Variants in COL21A1 observed in about 807,000 individuals in gnomAD.
COL21A1 encodes collagen type XXI alpha 1 chain.
In COL21A1, 149 loss-of-function variants were observed where a neutral mutation model predicts 137.9. The observed-to-expected ratio is 1.08, with a 90% CI of 0.95 to 1.24. The LOEUF (loss-of-function observed/expected upper bound fraction) is 1.24, where lower values mean the gene tolerates loss of function less well. COL21A1 is among the 50% of genes most tolerant of loss of function. The pLI, the probability that COL21A1 is intolerant of heterozygous loss-of-function variation, is 0.00. For synonymous variants in COL21A1, 456 were observed against 391.5 expected, an observed-to-expected ratio of 1.16 and a Z score of -1.95; for missense variants, 1,167 against 1,158.4, an observed-to-expected ratio of 1.01 and a Z score of -0.11.
chr6:56,364,162 T>A lies in COL21A1; in HGVS notation c.-39+29809A>T, dbSNP rs191050190. On this transcript the variant is annotated intron_variant, in intron 1 of 28. Transcript: ENST00000370819. ...GTCCCTTGAGTTGCTGCTGATGAGCTCTTTAGTGCCCCAGCCCCTCATTAA... is the reference window on the plus strand; with the variant it reads ...GTCCCTTGAGTTGCTGCTGATGAGCACTTTAGTGCCCCAGCCCCTCATTAA... Among the ~76,000 whole-genome samples, 292 of 152,202 alleles carry A rather than the reference T, an allele frequency of 1.9e-3. 1 individual carries two copies. The highest frequency in any genetic ancestry group is 2.6e-3 in the Non-Finnish European group (178 of 67,996).
intron 1 of COL21A1, among the ~76,000 whole-genome samples, chr6:56,347,330 C>T (rs1765617528): frequency 6.6e-6 from 1 of 152,016 alleles, no homozygotes; most frequent in African/African-American, 2.4e-5. Flanking sequence ...TTCCCACCCC[C>T]TCACCGGGAT....
rs186344414 is a variant in COL21A1, at chr6:56,159,403, G to C, written c.1372-2454C>G. 2.1e-4 allele frequency among the ~76,000 whole-genome samples: 32 copies of C among 150,508 alleles called. No individual in the cohort carries two copies. The East Asian group carries it at 6.1e-3, about 29-fold the overall frequency. ...GCTGGAGTGCAATAGCATGATCCTGGCTCACCACAACCTCCACCCCGCAGG... is the reference window on the plus strand; with the variant it reads ...GCTGGAGTGCAATAGCATGATCCTGCCTCACCACAACCTCCACCCCGCAGG... On this transcript the variant is annotated intron_variant, in intron 9 of 29. Transcript: ENST00000244728.
chr6:56,351,637 CA>C (rs1765713474), intron 1 of COL21A1, among the ~76,000 whole-genome samples: 1 of 152,182 alleles, frequency 6.6e-6, no homozygotes, highest in Non-Finnish European at 1.5e-5. Context: ...GCAAAGGCCT[CA>C]AGAACTGAAC....
intron 10 of COL21A1, among the ~76,000 whole-genome samples, chr6:56,152,354 C>T (rs781477492): frequency 3.9e-4 from 60 of 152,152 alleles, no homozygotes; most frequent in Non-Finnish European, 3.7e-4. Flanking sequence ...ATCTCAAGAT[C>T]ATTAAATTAA....
At chr6:56,068,202 T>C (rs1437396227) in intron 22 of COL21A1, among the ~76,000 whole-genome samples, 2 of 151,590 alleles carry the variant, frequency 1.3e-5, no homozygotes, top group African/African-American at 4.8e-5. Flanking sequence ...CCAAGGATCA[T>C]ACTGTGTATG....
chr6:56,170,795 T>C lies in COL21A1; in HGVS notation c.880A>G (p.Ile294Val). Residue 294 changes from isoleucine (I) to valine (V), a missense_variant, in exon 5 of 30, where the codon ATT becomes GTT. Physicochemically the swap from Ile to Val is conservative, Grantham distance 29. Transcript: ENST00000244728. The stretch of plus-strand genomic sequence containing the variant: ...GTTAATATTCTCCATAAATCCCAAA[T>C]TTTCTTGACTTTAAATCTTTGAGTA... ...VSTQRFKVKK[I>V]WDLWRILTID... is the part of the protein sequence containing the mutation. The C allele has an allele frequency of 6.2e-7, 1 of 1,610,150 alleles. No homozygotes were observed. Among genetic ancestry groups the C allele is most frequent in the Non-Finnish European group, 8.5e-7 (1 of 1,177,526 alleles).
At chr6:56,241,233 A>T (rs1490411174) in intron 1 of COL21A1, among the ~76,000 whole-genome samples, 1 of 152,166 alleles carries the variant, frequency 6.6e-6, no homozygotes, top group East Asian at 1.9e-4. Flanking sequence ...GCCCTTATAA[A>T]TAGACAGAGA....
rs532033357 is a variant in COL21A1, at chr6:56,217,136, A to C, written c.-39+30251T>G. ...CAAATAAAAAGAAATAGTGTTGCAG[A>C]GTAATACTCTCAAGTGTAATAAAAG... On this transcript the variant is annotated intron_variant, in intron 1 of 29. Coordinates refer to ENST00000244728, the MANE Select transcript of COL21A1 (RefSeq NM_030820.4). Among the ~76,000 whole-genome samples, 6 of 152,198 alleles carry C rather than the reference A, an allele frequency of 3.9e-5. No homozygotes were observed. The South Asian group carries it at 1.2e-3, about 32-fold the overall frequency.
At chr6:56,226,751 G>A (rs1781220999) in intron 1 of COL21A1, among the ~76,000 whole-genome samples, 1 of 152,014 alleles carries the variant, frequency 6.6e-6, no homozygotes, top group Non-Finnish European at 1.5e-5. Flanking sequence ...AAAATCCAAT[G>A]TTCCTCACTT....
chr6:56,390,698 GA>G (rs921369958), intron 1 of COL21A1, among the ~76,000 whole-genome samples: 5 of 150,490 alleles, frequency 3.3e-5, no homozygotes, highest in Non-Finnish European at 5.9e-5. Flanking sequence ...CAAAAACTGT[GA>G]AAAAAAAGAA....
rs546992477 is a variant in COL21A1, at chr6:56,135,796, G to A, written c.1542+5989C>T. Reference sequence around the variant, plus strand: ...ACCTTTTCTTTATATTTTCTTTCATGAAGCCTTTCCAATTTTTAACTTTCC... The same window carrying A: ...ACCTTTTCTTTATATTTTCTTTCATAAAGCCTTTCCAATTTTTAACTTTCC... On this transcript the variant is annotated intron_variant, in intron 12 of 29. Transcript: ENST00000244728. Among the ~76,000 whole-genome samples the A allele has an allele frequency of 3.4e-3, 523 of 152,192 alleles. 5 individuals are homozygous for A. The highest frequency in any genetic ancestry group is 0.012 in the African/African-American group (496 of 41,528).
intron 1 of COL21A1, among the ~76,000 whole-genome samples, chr6:56,246,777 C>T (rs1782669490): frequency 6.6e-6 from 1 of 152,186 alleles, no homozygotes; most frequent in Admixed American, 6.5e-5. Flanking sequence ...GGCCAGATGC[C>T]ACACAGCGAA....
intron 1 of COL21A1, among the ~76,000 whole-genome samples, chr6:56,194,112 C>T (rs1303078460): frequency 6.6e-6 from 1 of 152,158 alleles, no homozygotes; most frequent in Non-Finnish European, 1.5e-5. Flanking sequence ...ATTTTCACCA[C>T]CTTTCTTCCC....
At chr6:56,186,623 T>C (rs1304730002) in intron 1 of COL21A1, among the ~76,000 whole-genome samples, 4 of 152,102 alleles carry the variant, frequency 2.6e-5, no homozygotes, top group African/African-American at 9.7e-5. Flanking sequence ...AAAACAATAG[T>C]AGAACAAAGT....
Position 56,149,547 on chromosome 6 carries a change from T to A in COL21A1, c.1434+7340A>T, listed in dbSNP as rs143567058. On this transcript the variant is annotated intron_variant, in intron 10 of 29. Transcript: ENST00000244728. ...CCTAAATGTCAGACTTCTATATCCA[T>A]CTGCCTACCTAAAATTTCTACTTGA... 1.2e-3 allele frequency among the ~76,000 whole-genome samples: 188 copies of A among 152,308 alleles called. 3 individuals carry two copies. The highest frequency in any genetic ancestry group is 4.2e-3 in the African/African-American group (176 of 41,580).
chr6:56,271,319 G>T (rs561725217), intron 1 of COL21A1, among the ~76,000 whole-genome samples: 1 of 152,192 alleles, frequency 6.6e-6, no homozygotes, highest in East Asian at 1.9e-4. Context: ...CTTGAGAGAG[G>T]GTATCTGGCA....
At chr6:56,193,359 C>CA (rs1778820463) in intron 1 of COL21A1, among the ~76,000 whole-genome samples, 1 of 151,870 alleles carries the variant, frequency 6.6e-6, no homozygotes, top group Non-Finnish European at 1.5e-5. Context: ...AATCAGCAAT[C>CA]AAAAAATCAT....
chr6:56,219,312 G>A (rs146048180), intron 1 of COL21A1, among the ~76,000 whole-genome samples: 164 of 150,498 alleles, frequency 1.1e-3, no homozygotes, highest in African/African-American at 3.7e-3. Flanking sequence ...GAATCCCAGC[G>A]AAACCATTAC....
rs1776973492 is a variant in COL21A1, at chr6:56,170,768, T to C, written c.907A>G (p.Ile303Val). 3 of 1,608,168 alleles carry C rather than the reference T, an allele frequency of 1.9e-6. No homozygotes were observed. The highest frequency in any genetic ancestry group is 2.7e-5 in the African/African-American group (2 of 74,950). ...KIWDLWRILTIDGRPQIAVTL... is the reference protein window; with the variant it reads ...KIWDLWRILTVDGRPQIAVTL... ...ACTGCTATTTGTGGCCTTCCATCAATAGTTAATATTCTCCATAAATCCCAA... is the reference window on the plus strand; with the variant it reads ...ACTGCTATTTGTGGCCTTCCATCAACAGTTAATATTCTCCATAAATCCCAA... Residue 303 changes from isoleucine (I) to valine (V), a missense_variant, in exon 5 of 30, where the codon ATT becomes GTT. Transcript: ENST00000244728.
Sources: allele counts gnomAD v4.1 joint callset (sites outside exome capture counted in the v4.1 genomes callset), GRCh38; gene constraint gnomAD v4.1.1; transcripts MANE v1.5; gene names NCBI Gene and HGNC (gene_info 2026-07-23, HGNC 2026-07-21).